The following RANBP17 variants were observed in gnomAD, a reference collection of about 807,000 sequenced individuals.
The protein encoded by RANBP17 is ran-binding protein 17.
RANBP17 carries 158 observed loss-of-function variants against 141.2 expected under a neutral mutation model. The ratio of observed to expected loss-of-function variants is 1.12; its 90% CI spans 0.98 to 1.28. The LOEUF is 1.28. RANBP17 is among the 50% of genes most tolerant of loss of function. The pLI, the probability that RANBP17 is intolerant of heterozygous loss-of-function variation, is 0.00. For missense variants in RANBP17, 1,438 were observed against 1,290.7 expected, an observed-to-expected ratio of 1.11 and a Z score of -1.75; for synonymous variants, 430 against 450.0, an observed-to-expected ratio of 0.96 and a Z score of 0.56.
chr5:170,989,807 AATATAT>A (rs981276379), intron 14 of RANBP17, among the ~76,000 whole-genome samples: 1 of 151,722 alleles, frequency 6.6e-6, no homozygotes, highest in Non-Finnish European at 1.5e-5. Flanking sequence ...CTTACTGAAA[AATATAT>A]ATGACTGTTA....
chr5:170,928,164 A>T (rs1773077721), intron 12 of RANBP17, among the ~76,000 whole-genome samples: 1 of 152,000 alleles, frequency 6.6e-6, no homozygotes, highest in Non-Finnish European at 1.5e-5. Context: ...TTATTTTGTG[A>T]AAAGTCTGTT....
intron 14 of RANBP17, among the ~76,000 whole-genome samples, chr5:171,125,328 A>G (rs1018712613): frequency 6.8e-6 from 1 of 147,080 alleles, no homozygotes; most frequent in Non-Finnish European, 1.5e-5. Context: ...AAGTGAAGGG[A>G]TGGAAAAAGA....
chr5:171,198,029 A>C (rs929469582), intron 18 of RANBP17, among the ~76,000 whole-genome samples: 1 of 152,172 alleles, frequency 6.6e-6, no homozygotes, highest in East Asian at 1.9e-4. Context: ...ACAGAGCAAG[A>C]CTCCGTCTCA....
At chr5:171,127,296 A>G (rs186516964) in intron 14 of RANBP17, among the ~76,000 whole-genome samples, 166 of 152,358 alleles carry the variant, frequency 1.1e-3, no homozygotes, top group African/African-American at 3.7e-3. Flanking sequence ...AAAATTCTCA[A>G]TAAATTTGTT....
At chr5:171,213,154 T>A (rs1185972642) in intron 20 of RANBP17, among the ~76,000 whole-genome samples, 1 of 152,180 alleles carries the variant, frequency 6.6e-6, no homozygotes, top group Non-Finnish European at 1.5e-5. Context: ...TATGTGAGGT[T>A]TATTACTAGT....
intron 22 of RANBP17, among the ~76,000 whole-genome samples, chr5:171,235,687 A>T (rs1764498819): frequency 6.6e-6 from 1 of 152,106 alleles, no homozygotes. Context: ...CTGCAGCTTC[A>T]GCCTCCTGGG....
At position 170,909,718 on chromosome 5, in the gene RANBP17, A is replaced by T. The variant is rs148659070; in HGVS notation, c.547A>T (p.Thr183Ser). The T allele has an allele frequency of 8.8e-4, 1,407 of 1,597,752 alleles. 11 individuals are homozygous for T. The African/African-American group carries it at 0.017, about 20-fold the overall frequency. ...GAAAATAGCTACCTCATTTCGTGATACTTCTCTCAAAGACGTTTTAGTGCT... is the reference window on the plus strand; with the variant it reads ...GAAAATAGCTACCTCATTTCGTGATTCTTCTCTCAAAGACGTTTTAGTGCT... The part of the protein sequence containing the change: ...HRKIATSFRD[T>S]SLKDVLVLAC... Residue 183 changes from threonine (T) to serine (S), a missense_variant, in exon 6 of 28, where the codon ACT (threonine) becomes TCT (serine). Physicochemically the swap from Thr to Ser is moderately conservative, Grantham distance 58. Transcript: ENST00000523189.
intron 14 of RANBP17, among the ~76,000 whole-genome samples, chr5:170,979,216 A>C (rs1423076652): frequency 6.6e-6 from 1 of 152,176 alleles, no homozygotes; most frequent in Non-Finnish European, 1.5e-5. Context: ...ATTAGAGCAA[A>C]AGGCATAGTT....
At chr5:171,245,959 ACCT>A (rs1475124809) in intron 24 of RANBP17, among the ~76,000 whole-genome samples, 1 of 149,836 alleles carries the variant, frequency 6.7e-6, no homozygotes, top group Admixed American at 6.7e-5. Context: ...GCTCACTGCA[ACCT>A]CCGCCTCCTG....
intron 12 of RANBP17, among the ~76,000 whole-genome samples, chr5:170,931,168 T>C (rs1353469602): frequency 6.6e-6 from 1 of 152,274 alleles, no homozygotes; most frequent in Non-Finnish European, 1.5e-5. Context: ...CCAGTGATGA[T>C]GAGCATTTTT....
intron 22 of RANBP17, among the ~76,000 whole-genome samples, chr5:171,235,583 T>C (rs541998437): frequency 7.9e-5 from 12 of 151,912 alleles, no homozygotes; most frequent in Non-Finnish European, 1.6e-4. Context: ...TATTAGAAAA[T>C]AGAAATTGAT....
intron 14 of RANBP17, among the ~76,000 whole-genome samples, chr5:171,141,872 A>AG (rs1177753656): frequency 6.6e-6 from 1 of 152,196 alleles, no homozygotes; most frequent in African/African-American, 2.4e-5. Context: ...CCTGTAGCAC[A>AG]GAATACCTGG....
chr5:170,954,565 CT>C (rs2127498435), intron 13 of RANBP17, among the ~76,000 whole-genome samples: 1 of 147,858 alleles, frequency 6.8e-6, no homozygotes, highest in South Asian at 2.1e-4. Context: ...ACCCACCCAC[CT>C]CAACACCACT....
intron 19 of RANBP17, 100 bp downstream of exon 19, chr5:171,199,873 C>A: frequency 1.8e-6 from 1 of 565,530 alleles, no homozygotes; most frequent in South Asian, 3.2e-5. Context: ...TCTTTGCCTC[C>A]TCAGACCTGC....
At chr5:171,062,146 T>G (rs376454760) in intron 14 of RANBP17, among the ~76,000 whole-genome samples, 2 of 150,932 alleles carry the variant, frequency 1.3e-5, no homozygotes, top group Admixed American at 6.6e-5. Flanking sequence ...ATTGGAGCAT[T>G]TAGTCCATTT....
Position 171,235,799 on chromosome 5 carries a change from G to T in RANBP17, c.2423-5129G>T, listed in dbSNP as rs540295491. Among the ~76,000 whole-genome samples the T allele has an allele frequency of 7.9e-5, 12 of 152,086 alleles. No individual in the cohort carries two copies. In the South Asian group the frequency reaches 2.5e-3, roughly 32 times the overall value. On this transcript the variant is annotated intron_variant, in intron 22 of 27. Coordinates refer to ENST00000523189, the MANE Select transcript of RANBP17 (RefSeq NM_022897.5). ...TGTAGAGATGGAATTTTGCCATGTT[G>T]CCCAGGCTGATCTCAAGCTACTGGA...
At chr5:170,923,869 A>G (rs1772685200) in intron 11 of RANBP17, among the ~76,000 whole-genome samples, 1 of 152,130 alleles carries the variant, frequency 6.6e-6, no homozygotes, top group South Asian at 2.1e-4. Flanking sequence ...AAACTTACCT[A>G]TTAGTTTGAG....
At chr5:171,005,324 T>C (rs1271825414) in intron 14 of RANBP17, among the ~76,000 whole-genome samples, 1 of 152,130 alleles carries the variant, frequency 6.6e-6, no homozygotes, top group East Asian at 1.9e-4. Flanking sequence ...GGAGGCATCA[T>C]GGTACCTGAC....
intron 9 of RANBP17, 79 bp from the exon 10 acceptor site, chr5:170,918,634 A>G (rs751426657): frequency 7.5e-6 from 9 of 1,198,620 alleles, no homozygotes; most frequent in Non-Finnish European, 9.0e-6. Flanking sequence ...GGGAGACTTA[A>G]GATGCTTTGG....
Sources: allele counts gnomAD v4.1 joint callset (sites outside exome capture counted in the v4.1 genomes callset), GRCh38; gene constraint gnomAD v4.1.1; transcripts MANE v1.5; gene names NCBI Gene and HGNC (gene_info 2026-07-23, HGNC 2026-07-21).